CTNNA3: variants seen among roughly 807,000 people sequenced by gnomAD.
CTNNA3 encodes the protein catenin alpha 3, also known as catenin alpha-3.
Under a neutral mutation model 95.7 loss-of-function variants are expected in CTNNA3, and 76 were observed. The observed-to-expected ratio is 0.79, with a 90% CI of 0.66 to 0.96. The LOEUF (loss-of-function observed/expected upper bound fraction) is 0.96. Ranked by LOEUF, CTNNA3 falls within the 40% of genes least tolerant of loss-of-function variation. The pLI is 0.00. For synonymous variants in CTNNA3, 431 were observed against 374.4 expected (o/e 1.15, Z -1.74); for missense variants, 1,191 against 1,089.8 (o/e 1.09, Z -1.31).
At chr10:66,464,767 T>TA (rs58971885) in intron 11 of CTNNA3, among the ~76,000 whole-genome samples, 20,754 of 137,848 alleles carry the variant, frequency 0.15, 2,490 homozygotes, top group East Asian at 0.33. Context: ...TCTCAAAAAA[T>TA]AAAAAAAAAA....
chr10:66,117,511 G>T (rs1377110194), intron 13 of CTNNA3, among the ~76,000 whole-genome samples: 1 of 152,120 alleles, frequency 6.6e-6, no homozygotes, highest in African/African-American at 2.4e-5. Context: ...ATATTTTGTT[G>T]TTGAGTAATG....
intron 7 of CTNNA3, among the ~76,000 whole-genome samples, chr10:67,047,876 C>CA (rs371341246): frequency 1.5e-3 from 232 of 151,674 alleles, no homozygotes; most frequent in African/African-American, 5.1e-3. Flanking sequence ...ATCCTAAAAA[C>CA]AAAAAAACAA....
At chr10:66,367,911 A>T (rs1444131804) in intron 12 of CTNNA3, among the ~76,000 whole-genome samples, 2 of 105,214 alleles carry the variant, frequency 1.9e-5, no homozygotes, top group African/African-American at 7.1e-5. Flanking sequence ...TATTATTATT[A>T]TTATTATTAT....
At chr10:66,113,017 T>C (rs955141144) in intron 13 of CTNNA3, among the ~76,000 whole-genome samples, 3 of 152,128 alleles carry the variant, frequency 2.0e-5, no homozygotes, top group African/African-American at 4.8e-5. Flanking sequence ...CATATAGTAG[T>C]TCTGTTTTTA....
At chr10:67,325,632 A>G (rs191259371) in intron 5 of CTNNA3, among the ~76,000 whole-genome samples, 9 of 152,234 alleles carry the variant, frequency 5.9e-5, no homozygotes, top group African/African-American at 2.2e-4. Flanking sequence ...CATTTTGTAG[A>G]GAATTGTTTT....
chr10:66,774,636 A>T (rs187993904), intron 8 of CTNNA3, among the ~76,000 whole-genome samples: 60 of 152,338 alleles, frequency 3.9e-4, no homozygotes, highest in South Asian at 1.7e-3. Flanking sequence ...TCTTGCCATT[A>T]AACTACGATA....
At chr10:66,737,343 GT>G (rs1849177943) in intron 9 of CTNNA3, among the ~76,000 whole-genome samples, 1 of 152,016 alleles carries the variant, frequency 6.6e-6, no homozygotes, top group Admixed American at 6.6e-5. Context: ...TGTTGCAAAA[GT>G]TTTTAAAAAT....
At chr10:67,108,817 A>G (rs1294043489) in intron 7 of CTNNA3, among the ~76,000 whole-genome samples, 1 of 152,178 alleles carries the variant, frequency 6.6e-6, no homozygotes, top group Non-Finnish European at 1.5e-5. Context: ...TATTTTCCCC[A>G]TATAGCTACT....
intron 11 of CTNNA3, 154 bp downstream of exon 11, chr10:66,520,463 G>T: frequency 1.8e-6 from 1 of 549,558 alleles, no homozygotes; most frequent in African/African-American, 2.0e-5. Context: ...TGTTGGCCAG[G>T]CTGGTATCGA....
intron 15 of CTNNA3, among the ~76,000 whole-genome samples, chr10:66,007,022 C>CT (rs1448100005): frequency 6.6e-6 from 1 of 152,072 alleles, no homozygotes; most frequent in East Asian, 1.9e-4. Context: ...GCATGCCCCC[C>CT]GCACCCCCAC....
intron 7 of CTNNA3, chr10:67,097,806 T>C (rs1217691652): frequency 1.2e-6 from 2 of 1,611,508 alleles, no homozygotes; most frequent in African/African-American, 2.7e-5. Context: ...ACTGAGATCA[T>C]TGGTAGCCAG....
chr10:66,925,682 T>G (rs1362880629), intron 7 of CTNNA3, among the ~76,000 whole-genome samples: 1 of 152,216 alleles, frequency 6.6e-6, no homozygotes, highest in Non-Finnish European at 1.5e-5. Flanking sequence ...ATTCATTTTA[T>G]AAATTTCAGT....
intron 7 of CTNNA3, among the ~76,000 whole-genome samples, chr10:67,137,692 C>T (rs940929998): frequency 1.3e-5 from 2 of 152,050 alleles, no homozygotes; most frequent in African/African-American, 4.8e-5. Context: ...GAACTAACAG[C>T]GGTCCTGAAA....
chr10:67,017,285 A>G (rs926547251), intron 7 of CTNNA3, among the ~76,000 whole-genome samples: 1 of 152,230 alleles, frequency 6.6e-6, no homozygotes, highest in African/African-American at 2.4e-5. Flanking sequence ...GGCCAAGGTT[A>G]GGTTAGTTCC....
At position 66,179,465 on chromosome 10, in the gene CTNNA3, A is replaced by G. The variant is rs545274739; in HGVS notation, c.1885-76216T>C. On this transcript the variant is annotated intron_variant, in intron 13 of 17. Transcript: ENST00000433211. Reference sequence around the variant, plus strand: ...TCGCCTGTATCTTAATTGTATCAATATCAGCACCCTGGTTGGAATACTGTA... The same window carrying G: ...TCGCCTGTATCTTAATTGTATCAATGTCAGCACCCTGGTTGGAATACTGTA... 2.0e-5 allele frequency among the ~76,000 whole-genome samples: 3 copies of G among 152,222 alleles called. No homozygotes were observed. In the East Asian group the frequency reaches 5.8e-4, roughly 29 times the overall value.
chr10:66,161,170 T>G (rs1353573395), intron 13 of CTNNA3, among the ~76,000 whole-genome samples: 1 of 152,226 alleles, frequency 6.6e-6, no homozygotes, highest in Non-Finnish European at 1.5e-5. Context: ...TTAGGCCATT[T>G]ACATTCAAAT....
At chr10:66,123,949 C>G (rs913611726) in intron 13 of CTNNA3, among the ~76,000 whole-genome samples, 1 of 152,182 alleles carries the variant, frequency 6.6e-6, no homozygotes, top group Non-Finnish European at 1.5e-5. Context: ...ATAGAAGGGG[C>G]TCCCATGAAG....
chr10:66,858,220 G>A (rs1450139633), intron 7 of CTNNA3, among the ~76,000 whole-genome samples: 1 of 152,050 alleles, frequency 6.6e-6, no homozygotes, highest in Non-Finnish European at 1.5e-5. Flanking sequence ...ATTTGCATAT[G>A]TTGAACCAAC....
At chr10:67,707,662 G>C (rs979168408) in intron 1 of CTNNA3, among the ~76,000 whole-genome samples, 1 of 152,038 alleles carries the variant, frequency 6.6e-6, no homozygotes, top group African/African-American at 2.4e-5. Context: ...TTAGTGTATG[G>C]CATATGCAAA....
Sources: gnomAD v4.1 joint callset for allele counts (sites outside exome capture counted in the v4.1 genomes callset) on GRCh38, gnomAD v4.1.1 for gene constraint, MANE v1.5 for transcripts, NCBI Gene and HGNC (gene_info 2026-07-23, HGNC 2026-07-21) for gene names.